The following DLGAP1 variants were observed in gnomAD, a reference collection of about 807,000 sequenced individuals.
DLGAP1 encodes DLG associated protein 1.
DLGAP1 carries 11 observed loss-of-function variants against 90.8 expected under a neutral mutation model. The observed-to-expected ratio is 0.12, with a 90% CI of 0.08 to 0.20. DLGAP1 has a LOEUF of 0.20. Ranked by LOEUF, DLGAP1 falls within the 10% of genes least tolerant of loss-of-function variation. DLGAP1 has a pLI of 1.00. For synonymous variants in DLGAP1, 558 were observed against 540.7 expected (o/e 1.03, Z -0.44); for missense variants, 1,050 against 1,333.8 (o/e 0.79, Z 3.31).
chr18:3,757,208 G>A (rs1027254787), intron 5 of DLGAP1, among the ~76,000 whole-genome samples: 4 of 152,168 alleles, frequency 2.6e-5, no homozygotes, highest in Non-Finnish European at 4.4e-5. Context: ...AGGAGTTCAA[G>A]ACCAGCCTGG....
At chr18:4,172,743 T>C (rs952319329) in intron 1 of DLGAP1, among the ~76,000 whole-genome samples, 2 of 152,198 alleles carry the variant, frequency 1.3e-5, no homozygotes, top group Admixed American at 6.5e-5. Context: ...CCAGAAAAAT[T>C]AGAAGAAATA....
At chr18:3,566,071 G>A (rs1017943989) in intron 9 of DLGAP1, among the ~76,000 whole-genome samples, 3 of 152,036 alleles carry the variant, frequency 2.0e-5, no homozygotes, top group Non-Finnish European at 4.4e-5. Flanking sequence ...TTTAATAGCT[G>A]TATAATAGTT....
In DLGAP1 at chr18:3,846,090, G is replaced by A. The variant is rs79464851; in HGVS notation, c.958-31817C>T. Among the ~76,000 whole-genome samples the A allele has an allele frequency of 2.4e-3, 345 of 142,844 alleles. 3 individuals carry two copies. Among genetic ancestry groups the A allele is most frequent in the African/African-American group, 7.5e-3 (285 of 37,778 alleles). The allele number at this position is 142,844 out of a possible 152,430, so 93.7% of individuals were successfully genotyped here. ...TGTGTGTGTGTGTGTGTCTCATTTC[G>A]GGATGGGGCAAAGGAACTGTTGCAG... On this transcript the variant is annotated intron_variant, in intron 4 of 12. Transcript: ENST00000315677.
chr18:3,937,563 C>T (rs2072670261), intron 3 of DLGAP1, among the ~76,000 whole-genome samples: 1 of 152,148 alleles, frequency 6.6e-6, no homozygotes, highest in Non-Finnish European at 1.5e-5. Context: ...TACAGCCAAA[C>T]CATATCAAAC....
intron 4 of DLGAP1, among the ~76,000 whole-genome samples, chr18:3,815,400 CCT>C (rs34437730): frequency 0.73 from 111,224 of 151,356 alleles, 41,209 homozygotes; most frequent in African/African-American, 0.83. Context: ...TTTTTCTTGG[CCT>C]CTGCACACCC....
Position 4,339,769 on chromosome 18 carries a change from G to A in DLGAP1, c.-267+115237C>T, listed in dbSNP as rs961132063. Among the ~76,000 whole-genome samples the A allele has an allele frequency of 3.3e-5, 5 of 152,080 alleles. 1 individual carries two copies. Among genetic ancestry groups the A allele is most frequent in the Non-Finnish European group, 7.4e-5 (5 of 68,012 alleles). ...TTTAACAAAAATACAGCATTGAATA[G>A]CAATACTTATCATTTACCCTGAATG... On this transcript the variant is annotated intron_variant, in intron 1 of 12. Transcript: ENST00000315677.
intron 1 of DLGAP1, among the ~76,000 whole-genome samples, chr18:4,319,453 C>T (rs1233708971): frequency 6.6e-6 from 1 of 152,110 alleles, no homozygotes. Context: ...ACAAATACAA[C>T]TAGTATATGA....
intron 1 of DLGAP1, among the ~76,000 whole-genome samples, chr18:4,323,659 A>G (rs1244134824): frequency 6.6e-6 from 1 of 152,168 alleles, no homozygotes; most frequent in Non-Finnish European, 1.5e-5. Context: ...AACAAAACAA[A>G]TCATACCAAC....
intron 3 of DLGAP1, among the ~76,000 whole-genome samples, chr18:3,949,622 G>A (rs1014382287): frequency 3.3e-5 from 5 of 152,146 alleles, no homozygotes; most frequent in African/African-American, 7.2e-5. Context: ...CCAGCAGAGC[G>A]CCTCTTTGTC....
chr18:3,562,268 A>G (rs2054169475), intron 9 of DLGAP1, among the ~76,000 whole-genome samples: 1 of 152,054 alleles, frequency 6.6e-6, no homozygotes, highest in African/African-American at 2.4e-5. Context: ...GTGTGGCCAC[A>G]GTTACCCAAG....
chr18:3,807,173 G>A (rs1598827592), intron 5 of DLGAP1, among the ~76,000 whole-genome samples: 2 of 152,282 alleles, frequency 1.3e-5, no homozygotes, highest in African/African-American at 4.8e-5. Context: ...TCACTTCACT[G>A]CAGGCTTCTG....
At chr18:4,275,283 G>A (rs1568485428) in intron 1 of DLGAP1, 1 of 152,076 alleles carries the variant, frequency 6.6e-6, no homozygotes, top group Non-Finnish European at 1.5e-5. Flanking sequence ...TCTTTTCACT[G>A]AGTGCTCTCT....
chr18:3,977,439 T>G (rs1047237456), intron 3 of DLGAP1, among the ~76,000 whole-genome samples: 2 of 116,178 alleles, frequency 1.7e-5, no homozygotes, highest in South Asian at 2.6e-4. Context: ...TCTGTGTTTT[T>G]TTTTTTTTTT....
At chr18:4,009,424 G>T (rs2074374077) in intron 2 of DLGAP1, among the ~76,000 whole-genome samples, 1 of 152,212 alleles carries the variant, frequency 6.6e-6, no homozygotes. Context: ...AGCAAACATT[G>T]CCTTGCTGTT....
At chr18:3,651,694 C>T (rs1284639433) in intron 7 of DLGAP1, among the ~76,000 whole-genome samples, 2 of 151,074 alleles carry the variant, frequency 1.3e-5, no homozygotes, top group African/African-American at 2.4e-5. Context: ...TTTGGGAGGC[C>T]GAGTGCAGTG....
At chr18:4,155,509 C>T (rs7227958) in intron 1 of DLGAP1, among the ~76,000 whole-genome samples, 1 of 152,036 alleles carries the variant, frequency 6.6e-6, no homozygotes, top group Non-Finnish European at 1.5e-5. Flanking sequence ...ACTTTTCTCC[C>T]ACAGTTGCTG....
intron 7 of DLGAP1, among the ~76,000 whole-genome samples, chr18:3,687,855 C>T (rs918746312): frequency 2.0e-5 from 3 of 151,270 alleles, no homozygotes; most frequent in Non-Finnish European, 2.9e-5. Flanking sequence ...GAAATTCTGA[C>T]CAAACAATAG....
At chr18:4,005,282 A>C (rs2074278284) in intron 2 of DLGAP1, 81 bp from the exon 3 acceptor site, 2 of 152,202 alleles carry the variant, frequency 1.3e-5, no homozygotes, top group South Asian at 4.1e-4. Flanking sequence ...ATAGGAATTT[A>C]GGAGCGCCCT....
chr18:4,276,186 T>A (rs1000418585), intron 1 of DLGAP1, among the ~76,000 whole-genome samples: 3 of 149,760 alleles, frequency 2.0e-5, no homozygotes, highest in African/African-American at 5.0e-5. Flanking sequence ...TTTTTTTTTT[T>A]AATGCAGGGC....
Sources: allele counts gnomAD v4.1 joint callset (sites outside exome capture counted in the v4.1 genomes callset), GRCh38; gene constraint gnomAD v4.1.1; transcripts MANE v1.5; gene names NCBI Gene and HGNC (gene_info 2026-07-23, HGNC 2026-07-21).